ESRRG: variants seen among roughly 807,000 people sequenced by gnomAD.
The protein encoded by ESRRG is estrogen-related receptor gamma.
In ESRRG, 13 loss-of-function variants were observed where a neutral mutation model predicts 44.0. The observed-to-expected ratio is 0.30, with a 90% CI of 0.19 to 0.47. ESRRG has a LOEUF of 0.47. Among genes scored for constraint, ESRRG ranks in the 20% least tolerant of loss-of-function variants. The pLI is 1.00. For missense variants in ESRRG, 395 were observed against 580.6 expected (o/e 0.68, Z 3.29); for synonymous variants, 215 against 214.6 (o/e 1.00, Z -0.02).
At chr1:217,019,941 C>G (rs12747869) in intron 1 of ESRRG, among the ~76,000 whole-genome samples, 22,565 of 152,098 alleles carry the variant, frequency 0.15, 2,181 homozygotes, top group East Asian at 0.21. Context: ...TGGGTGACTG[C>G]TTGGAGTTAG....
chr1:216,593,657 A>T (rs2058026807), intron 3 of ESRRG, among the ~76,000 whole-genome samples: 1 of 152,378 alleles, frequency 6.6e-6, no homozygotes, highest in East Asian at 1.9e-4. Flanking sequence ...AGGCTGGCAA[A>T]TGTTAAGTCA....
intron 1 of ESRRG, among the ~76,000 whole-genome samples, chr1:217,005,782 T>TAA (rs1171562822): frequency 1.4e-4 from 21 of 151,984 alleles, no homozygotes; most frequent in Non-Finnish European, 2.4e-4. Flanking sequence ...CAAAATTCTC[T>TAA]CTTCTTTTTT....
chr1:216,873,307 G>A (rs2096286423), intron 2 of ESRRG, among the ~76,000 whole-genome samples: 1 of 139,912 alleles, frequency 7.1e-6, no homozygotes, highest in African/African-American at 2.7e-5. Context: ...CGCCCCCCTG[G>A]TTCAAGCAAT....
chr1:217,066,317 C>T (rs1444589809), intron 1 of ESRRG, among the ~76,000 whole-genome samples: 3 of 142,262 alleles, frequency 2.1e-5, no homozygotes, highest in Non-Finnish European at 3.0e-5. Flanking sequence ...TGCAGTGGCG[C>T]GATCTCGGCT....
intron 2 of ESRRG, among the ~76,000 whole-genome samples, chr1:216,874,020 G>C (rs1420099816): frequency 7.8e-6 from 1 of 127,648 alleles, no homozygotes; most frequent in Non-Finnish European, 1.7e-5. Flanking sequence ...GGTTGGGAGG[G>C]AGGGAGTGGG....
At chr1:216,984,657 C>T (rs1381356222) in intron 1 of ESRRG, among the ~76,000 whole-genome samples, 1 of 152,204 alleles carries the variant, frequency 6.6e-6, no homozygotes, top group Non-Finnish European at 1.5e-5. Context: ...AGGCTGTCTC[C>T]ATTCAAAATG....
intron 2 of ESRRG, among the ~76,000 whole-genome samples, chr1:216,661,192 G>C (rs764874309): frequency 6.6e-6 from 1 of 152,132 alleles, no homozygotes; most frequent in Middle Eastern, 3.2e-3. Flanking sequence ...GATGTGTACA[G>C]TCTCTTCTTC....
At chr1:216,831,157 G>T (rs2095481227) in intron 2 of ESRRG, among the ~76,000 whole-genome samples, 1 of 152,032 alleles carries the variant, frequency 6.6e-6, no homozygotes, top group Non-Finnish European at 1.5e-5. Flanking sequence ...TTCAAAGGGG[G>T]GAGGGGAAGG....
rs796622589 is a variant in ESRRG, at chr1:216,732,849, A to AG, written c.-13-55359dup. On this transcript the variant is annotated intron_variant, in intron 2 of 7. Coordinates refer to the ESRRG transcript ENST00000359162. ...TCCATCTCTAAAATTAAAAAAAAAAAGGGGGGGGAGGAGGGGGACTCTTGT... is the reference window on the plus strand; with the variant it reads ...TCCATCTCTAAAATTAAAAAAAAAAAGGGGGGGGGAGGAGGGGGACTCTTGT... 1.2e-3 allele frequency among the ~76,000 whole-genome samples: 156 copies of AG among 134,650 alleles called. 2 individuals are homozygous for AG. Among genetic ancestry groups the AG allele is most frequent in the African/African-American group, 3.8e-3 (135 of 35,540 alleles). 88.3% of individuals were successfully genotyped at this position (134,650 alleles called of 152,430 possible).
chr1:217,006,431 T>C (rs1043023965), intron 1 of ESRRG, among the ~76,000 whole-genome samples: 2 of 152,122 alleles, frequency 1.3e-5, no homozygotes, highest in Non-Finnish European at 2.9e-5. Flanking sequence ...AATATACATA[T>C]AACTTCAATA....
chr1:216,811,410 T>C (rs1321249386), intron 2 of ESRRG, among the ~76,000 whole-genome samples: 1 of 152,196 alleles, frequency 6.6e-6, no homozygotes, highest in African/African-American at 2.4e-5. Context: ...CTTCTGATTT[T>C]AGGGAAACAT....
At chr1:217,100,934 T>C (rs115276149) in intron 1 of ESRRG, among the ~76,000 whole-genome samples, 1,720 of 152,326 alleles carry the variant, frequency 0.011, 36 homozygotes, top group African/African-American at 0.039. Context: ...ATATCATTAG[T>C]CTTCCTCTAC....
chr1:216,809,760 CG>C (rs975376382), intron 2 of ESRRG, among the ~76,000 whole-genome samples: 107 of 152,030 alleles, frequency 7.0e-4, no homozygotes, highest in Non-Finnish European at 9.3e-4. Flanking sequence ...TTACTGCAGA[CG>C]TAAGGGTAGA....
chr1:216,737,037 A>T (rs2090040565), intron 2 of ESRRG, among the ~76,000 whole-genome samples: 1 of 152,218 alleles, frequency 6.6e-6, no homozygotes, highest in African/African-American at 2.4e-5. Flanking sequence ...AGTCTTAAAA[A>T]TCAAATCCTG....
intron 5 of ESRRG, among the ~76,000 whole-genome samples, chr1:216,530,522 C>A (rs2049057424): frequency 6.6e-6 from 1 of 152,062 alleles, no homozygotes; most frequent in Non-Finnish European, 1.5e-5. Context: ...TCAAAAAGAT[C>A]TTTGTGTAAC....
At chr1:216,860,551 G>T (rs2096033727) in intron 2 of ESRRG, among the ~76,000 whole-genome samples, 1 of 151,994 alleles carries the variant, frequency 6.6e-6, no homozygotes, top group Admixed American at 6.6e-5. Flanking sequence ...ATAAAATAGA[G>T]ATTTCTCATT....
chr1:217,106,952 G>A (rs942590252), intron 1 of ESRRG, among the ~76,000 whole-genome samples: 6 of 152,080 alleles, frequency 3.9e-5, no homozygotes, highest in Non-Finnish European at 8.8e-5. Flanking sequence ...CTTTCAGTTC[G>A]TCACCTACCT....
intron 2 of ESRRG, among the ~76,000 whole-genome samples, chr1:216,751,064 C>A (rs566530129): frequency 1.3e-5 from 2 of 152,240 alleles, no homozygotes; most frequent in African/African-American, 4.8e-5. Context: ...CATTGCTATT[C>A]AAAGAAACAG....
At chr1:216,760,377 T>G (rs1428980856) in intron 2 of ESRRG, among the ~76,000 whole-genome samples, 1 of 151,884 alleles carries the variant, frequency 6.6e-6, no homozygotes, top group Non-Finnish European at 1.5e-5. Flanking sequence ...TATGTGTATA[T>G]ATATATGACA....
Sources: gnomAD v4.1 joint callset for allele counts (sites outside exome capture counted in the v4.1 genomes callset) on GRCh38, gnomAD v4.1.1 for gene constraint, MANE v1.5 for transcripts, NCBI Gene and HGNC (gene_info 2026-07-23, HGNC 2026-07-21) for gene names.